The following LRRC4C variants were observed in gnomAD, a reference collection of about 807,000 sequenced individuals.
LRRC4C encodes the protein leucine rich repeat containing 4C, also known as leucine-rich repeat-containing protein 4C.
In LRRC4C, 5 loss-of-function variants were observed where a neutral mutation model predicts 33.6. The observed-to-expected ratio is 0.15, with a 90% confidence interval of 0.08 to 0.31. The LOEUF (loss-of-function observed/expected upper bound fraction) is 0.31. Ranked by LOEUF, LRRC4C falls within the 10% of genes least tolerant of loss-of-function variation. The probability of loss-of-function intolerance (pLI) is 1.00; values close to 1 mark genes in which losing one functional copy is unlikely to be tolerated. For missense variants in LRRC4C, 560 were observed against 796.7 expected (o/e 0.70, Z 3.58); for synonymous variants, 329 against 302.0 (o/e 1.09, Z -0.93).
chr11:41,192,795 G>A (rs1460610716), intron 1 of LRRC4C, among the ~76,000 whole-genome samples: 1 of 152,044 alleles, frequency 6.6e-6, no homozygotes, highest in Non-Finnish European at 1.5e-5. Flanking sequence ...ATTTATGGCA[G>A]CAAAGGATGG....
intron 1 of LRRC4C, among the ~76,000 whole-genome samples, chr11:41,213,544 TG>T (rs1288691517): frequency 6.6e-6 from 1 of 152,226 alleles, no homozygotes; most frequent in Non-Finnish European, 1.5e-5. Flanking sequence ...ACATAGTGAA[TG>T]GGTCACAGCA....
At chr11:40,488,290 C>A (rs201537722) in intron 3 of LRRC4C, among the ~76,000 whole-genome samples, 19,322 of 151,922 alleles carry the variant, frequency 0.13, 1,385 homozygotes, top group African/African-American at 0.17. Context: ...TTCCCCCCCC[C>A]ACTTAAAGGA....
intron 2 of LRRC4C, among the ~76,000 whole-genome samples, chr11:40,896,788 C>T (rs1360663986): frequency 1.3e-5 from 2 of 151,982 alleles, no homozygotes; most frequent in African/African-American, 2.4e-5. Flanking sequence ...GCATATTTAA[C>T]AAGGTATGCG....
chr11:40,445,310 G>T (rs1951581122), intron 3 of LRRC4C: 1 of 152,378 alleles, frequency 6.6e-6, no homozygotes, highest in African/African-American at 2.4e-5. Context: ...ATAATGTCTG[G>T]CAAAAGGCTT....
intron 3 of LRRC4C, among the ~76,000 whole-genome samples, chr11:40,486,672 A>G (rs1953878910): frequency 6.6e-6 from 1 of 152,082 alleles, no homozygotes; most frequent in Non-Finnish European, 1.5e-5. Context: ...GTAAACAATT[A>G]TGACACATAC....
At chr11:41,281,436 T>C (rs973676308) in intron 1 of LRRC4C, among the ~76,000 whole-genome samples, 9 of 152,118 alleles carry the variant, frequency 5.9e-5, no homozygotes, top group African/African-American at 2.2e-4. Flanking sequence ...CCGTTAGAAA[T>C]GGGCAGAACA....
chr11:40,877,514 G>A (rs1425515396), intron 2 of LRRC4C, among the ~76,000 whole-genome samples: 1 of 152,084 alleles, frequency 6.6e-6, no homozygotes, highest in Non-Finnish European at 1.5e-5. Flanking sequence ...AATATCCTCT[G>A]CTATTTCATC....
intron 3 of LRRC4C, among the ~76,000 whole-genome samples, chr11:40,607,863 C>T (rs906235419): frequency 2.0e-5 from 3 of 152,150 alleles, no homozygotes; most frequent in South Asian, 4.1e-4. Context: ...AACACTCATC[C>T]CTAGACCCTG....
chr11:40,886,877 TTA>T (rs1955484002), intron 2 of LRRC4C, among the ~76,000 whole-genome samples: 1 of 148,788 alleles, frequency 6.7e-6, no homozygotes, highest in Admixed American at 6.7e-5. Flanking sequence ...GCAAATATGT[TTA>T]TATATGTGTG....
At chr11:40,345,642 A>C (rs942617465) in intron 3 of LRRC4C, among the ~76,000 whole-genome samples, 9 of 152,196 alleles carry the variant, frequency 5.9e-5, no homozygotes, top group African/African-American at 2.2e-4. Flanking sequence ...GGACCCGGCA[A>C]AAATTTCATG....
chr11:41,046,771 G>A (rs866703900), intron 1 of LRRC4C, among the ~76,000 whole-genome samples: 4 of 151,994 alleles, frequency 2.6e-5, no homozygotes, highest in East Asian at 3.9e-4. Flanking sequence ...TTAGTTTCAC[G>A]GTGAAAAATG....
At chr11:40,142,973 T>G (rs1222579153) in intron 5 of LRRC4C, among the ~76,000 whole-genome samples, 1 of 152,216 alleles carries the variant, frequency 6.6e-6, no homozygotes, top group African/African-American at 2.4e-5. Context: ...CAACTATATA[T>G]TTTAAGCTCT....
At chr11:40,630,342 T>A (rs1300981968) in intron 3 of LRRC4C, among the ~76,000 whole-genome samples, 6 of 32,060 alleles carry the variant, frequency 1.9e-4, no homozygotes, top group Non-Finnish European at 9.1e-5. Context: ...CTTCTTCTTC[T>A]TCTTCTTCTT....
At chr11:40,965,948 A>G (rs1421358938) in intron 1 of LRRC4C, among the ~76,000 whole-genome samples, 2 of 152,078 alleles carry the variant, frequency 1.3e-5, no homozygotes, top group African/African-American at 4.8e-5. Context: ...GAATCTATAA[A>G]TTACCTTGGG....
chr11:40,860,856 C>T (rs1187526121), intron 2 of LRRC4C, among the ~76,000 whole-genome samples: 7 of 117,860 alleles, frequency 5.9e-5, no homozygotes, highest in African/African-American at 2.3e-4. Flanking sequence ...GAAATAACTC[C>T]TTATTGGAAA....
intron 4 of LRRC4C, among the ~76,000 whole-genome samples, chr11:40,256,914 T>G (rs1044177819): frequency 8.5e-5 from 13 of 152,360 alleles, no homozygotes; most frequent in Non-Finnish European, 1.5e-4. Flanking sequence ...AATCCATTTA[T>G]GTCTTCAGCA....
At chr11:40,275,275 T>A (rs1057087924) in intron 4 of LRRC4C, among the ~76,000 whole-genome samples, 1 of 152,002 alleles carries the variant, frequency 6.6e-6, no homozygotes, top group Non-Finnish European at 1.5e-5. Flanking sequence ...TCAGGGACCA[T>A]TGCTGCATAT....
At chr11:40,272,687 C>T (rs967432543) in intron 4 of LRRC4C, among the ~76,000 whole-genome samples, 2 of 152,020 alleles carry the variant, frequency 1.3e-5, no homozygotes, top group South Asian at 4.1e-4. Flanking sequence ...AAAGTAGTTG[C>T]TAGTGCGAAA....
chr11:40,952,876 ACACACACACACACACACACACT>A (rs1565236752), intron 1 of LRRC4C, among the ~76,000 whole-genome samples: 1 of 108,784 alleles, frequency 9.2e-6, no homozygotes, highest in Admixed American at 9.9e-5. Context: ...ACACACACAC[ACACACACACACACACACACACT>A]CTCTCTCTCT....
Sources: allele counts gnomAD v4.1 joint callset (sites outside exome capture counted in the v4.1 genomes callset), GRCh38; gene constraint gnomAD v4.1.1; transcripts MANE v1.5; gene names NCBI Gene and HGNC (gene_info 2026-07-23, HGNC 2026-07-21).